Variants in GPR107 observed in about 807,000 individuals in gnomAD.
GPR107 encodes the protein protein GPR107.
A neutral mutation model predicts 75.5 loss-of-function variants in GPR107; 31 were observed. That is an observed-to-expected ratio of 0.41 (90% CI 0.31 to 0.55). The LOEUF (loss-of-function observed/expected upper bound fraction) is 0.55. Ranked by LOEUF, GPR107 falls within the 20% of genes least tolerant of loss-of-function variation. GPR107 has a pLI of 0.26. For synonymous variants in GPR107, 267 were observed against 251.3 expected (o/e 1.06, Z -0.59); for missense variants, 572 against 665.7 (o/e 0.86, Z 1.55).
chr9:130,123,060 T>C (rs1011440666), intron 14 of GPR107, among the ~76,000 whole-genome samples: 4 of 152,124 alleles, frequency 2.6e-5, no homozygotes, highest in Non-Finnish European at 5.9e-5. Flanking sequence ...TTCTGTTGTT[T>C]TTTGAGACTG....
At position 130,086,510 on chromosome 9, in the gene GPR107, T is replaced by C; in HGVS notation, c.621+34T>C. The C allele has an allele frequency of 3.2e-6, 4 of 1,240,934 alleles. No homozygotes were observed. In the South Asian group the frequency reaches 3.7e-5, roughly 12 times the overall value. 76.9% of individuals were successfully genotyped at this position (1,240,934 alleles called of 1,614,324 possible). ...GCTCTTTGTGTAAAGCCTCCTAGAA[T>C]TTCTCTCTACCATGTAAAAGGGTAA... On this transcript the variant is annotated intron_variant, in intron 7 of 17. Transcript: ENST00000347136.
At chr9:130,113,438 C>T (rs1430005531) in intron 14 of GPR107, among the ~76,000 whole-genome samples, 1 of 151,914 alleles carries the variant, frequency 6.6e-6, no homozygotes, top group Non-Finnish European at 1.5e-5. Context: ...CAATTTGTTG[C>T]CCAAGCTGGT....
In GPR107 at chr9:130,114,728, A is replaced by G. The variant is rs1347156778; in HGVS notation, c.1306+7189A>G. On this transcript the variant is annotated intron_variant, in intron 14 of 17. Transcript: ENST00000347136. ...CATATTTGTAGATATAATCATACTA[A>G]CCGAAAAACTTGGGGTCTTTAGGAA... 4 of 1,016,392 alleles carry G rather than the reference A, an allele frequency of 3.9e-6. 1 individual carries two copies. The highest frequency in any genetic ancestry group is 1.7e-5 in the African/African-American group (1 of 57,456). 63.0% of individuals were successfully genotyped at this position (1,016,392 alleles called of 1,614,324 possible). A position where few individuals can be genotyped will look rare whatever the true frequency, so the allele number is the denominator to read the frequency against.
chr9:130,093,228 C>T (rs1050855525), intron 9 of GPR107, among the ~76,000 whole-genome samples: 4 of 152,190 alleles, frequency 2.6e-5, no homozygotes, highest in African/African-American at 4.8e-5. Flanking sequence ...CTGAAACCCC[C>T]GAGGCTTTAA....
intron 1 of GPR107, among the ~76,000 whole-genome samples, chr9:130,070,594 G>A (rs1047188265): frequency 1.9e-4 from 29 of 152,112 alleles, no homozygotes; most frequent in South Asian, 6.2e-4. Flanking sequence ...GTGAGCCACC[G>A]CGCCTAGCCA....
At chr9:130,055,509 C>A (rs1205495824) in intron 1 of GPR107, among the ~76,000 whole-genome samples, 5 of 119,540 alleles carry the variant, frequency 4.2e-5, no homozygotes, top group Non-Finnish European at 6.6e-5. Flanking sequence ...GCCTGGGCAA[C>A]AGCGCGAGAC....
chr9:130,065,232 C>G (rs1407393918), intron 1 of GPR107, among the ~76,000 whole-genome samples: 1 of 151,848 alleles, frequency 6.6e-6, no homozygotes, highest in African/African-American at 2.4e-5. Context: ...GGGCAATCAC[C>G]TGAGGTCAGG....
intron 7 of GPR107, among the ~76,000 whole-genome samples, chr9:130,088,049 G>A (rs1271857462): frequency 1.3e-5 from 2 of 151,888 alleles, no homozygotes; most frequent in African/African-American, 2.4e-5. Context: ...CATCATTTTC[G>A]TCGCCATCCT....
intron 10 of GPR107, among the ~76,000 whole-genome samples, chr9:130,099,851 C>T: frequency 7.8e-6 from 1 of 127,996 alleles, no homozygotes. Flanking sequence ...GTGCCACCTG[C>T]TGACTTGTTT....
At chr9:130,085,488 A>G (rs1284286653) in intron 6 of GPR107, among the ~76,000 whole-genome samples, 1 of 152,212 alleles carries the variant, frequency 6.6e-6, no homozygotes, top group Non-Finnish European at 1.5e-5. Context: ...TAAAGCAGCA[A>G]TCTGATAACT....
chr9:130,136,027 C>T lies in GPR107; in HGVS notation c.*906C>T, dbSNP rs2240914. The stretch of plus-strand genomic sequence containing the variant: ...TTTGGGGGAAATGGAAAGTTTTCCT[C>T]AAGGAGCAGCTGGGGGCAGAATAGG... On this transcript the variant is annotated 3_prime_UTR_variant, in exon 18 of 18. Transcript: ENST00000347136. The T allele has an allele frequency of 0.096, 14,578 of 152,176 alleles. 905 individuals are homozygous for T. Among genetic ancestry groups the T allele is most frequent in the African/African-American group, 0.17 (6,898 of 41,468 alleles). The allele number at this position is 152,176 out of a possible 1,614,324, so 9.4% of individuals were successfully genotyped here. A position where few individuals can be genotyped will look rare whatever the true frequency, so the allele number is the denominator to read the frequency against.
chr9:130,076,312 A>G, intron 2 of GPR107, 100 bp from the exon 3 acceptor site: 1 of 700,780 alleles, frequency 1.4e-6, no homozygotes, highest in East Asian at 2.6e-5. Flanking sequence ...AAGAAAACAG[A>G]GGAGACCACG....
chr9:130,074,979 G>A (rs2132559028), intron 1 of GPR107, among the ~76,000 whole-genome samples: 1 of 150,936 alleles, frequency 6.6e-6, no homozygotes, highest in East Asian at 1.9e-4. Flanking sequence ...ACGATAACAT[G>A]GTTCCTCCTG....
intron 11 of GPR107, 92 bp from the exon 12 acceptor site, chr9:130,101,014 G>A (rs1250478255): frequency 3.8e-6 from 3 of 795,548 alleles, no homozygotes; most frequent in Non-Finnish European, 6.6e-6. Flanking sequence ...TTTGTAAGAA[G>A]CTTGTGAACT....
At chr9:130,083,676 G>A in intron 6 of GPR107, 74 bp downstream of exon 6, 3 of 798,892 alleles carry the variant, frequency 3.8e-6, no homozygotes, top group South Asian at 5.6e-5. Flanking sequence ...ATGCATGTGT[G>A]TGTGTGTATT....
At chr9:130,099,819 T>G (rs200516579) in intron 10 of GPR107, among the ~76,000 whole-genome samples, 2 of 149,206 alleles carry the variant, frequency 1.3e-5, no homozygotes, top group African/African-American at 2.5e-5. Context: ...GTTTTGTTTT[T>G]TTACCATTTC....
chr9:130,127,250 T>C (rs932161214), intron 15 of GPR107, among the ~76,000 whole-genome samples: 2 of 152,156 alleles, frequency 1.3e-5, no homozygotes, highest in African/African-American at 4.8e-5. Context: ...TCCCGGTGGG[T>C]GTGGCTGTTA....
chr9:130,113,405 T>C (rs938912280), intron 14 of GPR107, among the ~76,000 whole-genome samples: 4 of 151,946 alleles, frequency 2.6e-5, no homozygotes, highest in Non-Finnish European at 4.4e-5. Flanking sequence ...CTAATTCTTA[T>C]ATTTTTTGTA....
At chr9:130,109,205 C>G (rs1214123938) in intron 14 of GPR107, among the ~76,000 whole-genome samples, 3 of 151,768 alleles carry the variant, frequency 2.0e-5, no homozygotes, top group Admixed American at 6.6e-5. Flanking sequence ...GAGCTTTGCT[C>G]TGTCACCCAA....
Sources: gnomAD v4.1 joint callset for allele counts (sites outside exome capture counted in the v4.1 genomes callset) on GRCh38, gnomAD v4.1.1 for gene constraint, MANE v1.5 for transcripts, NCBI Gene and HGNC (gene_info 2026-07-23, HGNC 2026-07-21) for gene names.